C16orf78: variants seen among roughly 807,000 people sequenced by gnomAD.
The protein encoded by C16orf78 is uncharacterized protein C16orf78.
C16orf78 carries 19 observed loss-of-function variants against 27.3 expected under a neutral mutation model. The observed-to-expected ratio is 0.70, with a 90% confidence interval of 0.49 to 1.02. C16orf78 has a LOEUF of 1.02. C16orf78 is among the 50% of genes least tolerant of loss of function. The pLI, the probability that C16orf78 is intolerant of heterozygous loss-of-function variation, is 0.00. For synonymous variants in C16orf78, 130 were observed against 116.1 expected (o/e 1.12, Z -0.77); for missense variants, 339 against 337.0 (o/e 1.01, Z -0.05).
chr16:49,379,820 G>C (rs1206105077), intron 3 of C16orf78, among the ~76,000 whole-genome samples: 6 of 152,198 alleles, frequency 3.9e-5, no homozygotes, highest in African/African-American at 1.4e-4. Context: ...AATATTGAGT[G>C]TCAACTTGAT....
chr16:49,383,902 C>T (rs74390974), intron 3 of C16orf78, among the ~76,000 whole-genome samples: 1,602 of 152,272 alleles, frequency 0.011, 29 homozygotes, highest in African/African-American at 0.036. Flanking sequence ...ACTGATTCTA[C>T]AGCAATGCAG....
chr16:49,396,343 A>G (rs1248304254), intron 3 of C16orf78, 80 bp from the exon 4 acceptor site: 14 of 1,499,468 alleles, frequency 9.3e-6, no homozygotes, highest in Non-Finnish European at 1.3e-5. Flanking sequence ...GCATTCCTCC[A>G]GCCTTCATCC....
At chr16:49,375,948 T>G (rs966128959) in intron 1 of C16orf78, among the ~76,000 whole-genome samples, 4 of 152,198 alleles carry the variant, frequency 2.6e-5, no homozygotes, top group Non-Finnish European at 2.9e-5. Flanking sequence ...AACTTTACCT[T>G]AAATGTGGCT....
At chr16:49,394,321 G>T (rs1466444804) in intron 3 of C16orf78, among the ~76,000 whole-genome samples, 1 of 152,064 alleles carries the variant, frequency 6.6e-6, no homozygotes, top group Non-Finnish European at 1.5e-5. Context: ...CTCAATGTAT[G>T]AAAATACATC....
intron 1 of C16orf78, among the ~76,000 whole-genome samples, chr16:49,374,801 G>T (rs540914449): frequency 3.2e-4 from 48 of 152,114 alleles, no homozygotes; most frequent in Non-Finnish European, 5.1e-4. Flanking sequence ...TCCAAGAAAT[G>T]TAGCAACCAA....
intron 3 of C16orf78, among the ~76,000 whole-genome samples, chr16:49,392,614 T>C (rs190755471): frequency 2.8e-4 from 42 of 152,256 alleles, no homozygotes; most frequent in Non-Finnish European, 5.0e-4. Context: ...AGTAGGTAAA[T>C]AGTAGGTAAA....
At chr16:49,398,134 G>C (rs547033942) in intron 4 of C16orf78, among the ~76,000 whole-genome samples, 4 of 152,316 alleles carry the variant, frequency 2.6e-5, no homozygotes, top group South Asian at 2.1e-4. Flanking sequence ...CAGGGAAAAA[G>C]TAGTCCAAGT....
intron 3 of C16orf78, among the ~76,000 whole-genome samples, chr16:49,382,304 A>C (rs567734977): frequency 6.6e-6 from 1 of 152,138 alleles, no homozygotes; most frequent in Non-Finnish European, 1.5e-5. Flanking sequence ...TAGGAGATAT[A>C]CCTAATGCTA....
chr16:49,397,348 G>A (rs1819869), intron 4 of C16orf78, among the ~76,000 whole-genome samples: 18,813 of 152,288 alleles, frequency 0.12, 1,549 homozygotes, highest in Middle Eastern at 0.21. Context: ...AAACAACAGA[G>A]TAATGTAGTT....
chr16:49,390,605 C>T (rs1248717945), intron 3 of C16orf78, among the ~76,000 whole-genome samples: 7 of 152,108 alleles, frequency 4.6e-5, no homozygotes, highest in African/African-American at 1.7e-4. Context: ...TTAATGTGAC[C>T]CTGCCTTGGA....
intron 3 of C16orf78, among the ~76,000 whole-genome samples, chr16:49,395,389 C>G (rs956070715): frequency 6.6e-6 from 1 of 152,078 alleles, no homozygotes; most frequent in Non-Finnish European, 1.5e-5. Context: ...CACATGGGAC[C>G]CAGGACGGAT....
Position 49,399,186 on chromosome 16 carries a change from G to A in C16orf78, c.706G>A (p.Ala236Thr), listed in dbSNP as rs758951763. The A allele has an allele frequency of 3.1e-6, 5 of 1,614,212 alleles. No individual in the cohort carries two copies. The highest frequency in any genetic ancestry group is 4.2e-6 in the Non-Finnish European group (5 of 1,180,024). ...GACCTTGCTCAAGTTGTGCAAGGAT[G>A]CAGGAATGAATGTGGATATCCACCC... ...IRTLLKLCKD[A>T]GMNVDIHPHM... The change falls in exon 5 of 5, where the codon GCA becomes ACA. Residue 236 changes from alanine (A) to threonine (T), a missense_variant. Physicochemically the swap from Ala to Thr is moderately conservative, Grantham distance 58 (BLOSUM62 0). Transcript: ENST00000299191.
intron 3 of C16orf78, among the ~76,000 whole-genome samples, chr16:49,386,360 C>T (rs1567392568): frequency 6.6e-6 from 1 of 152,192 alleles, no homozygotes; most frequent in Admixed American, 6.5e-5. Flanking sequence ...ATGGACCTAA[C>T]ATATGTTTAC....
Position 49,396,094 on chromosome 16 carries a change from T to G in C16orf78, c.395-329T>G, listed in dbSNP as rs553310079. On this transcript the variant is annotated intron_variant, in intron 3 of 4. Coordinates refer to ENST00000299191, the MANE Select transcript of C16orf78 (RefSeq NM_144602.4). ...CCTAGCTCCACAAAAATATAAAAAT[T>G]TATCAGGAGTGGAGGCATGTGCCTA... Among the ~76,000 whole-genome samples the G allele has an allele frequency of 2.6e-5, 4 of 151,950 alleles. No homozygotes were observed. The East Asian group carries it at 5.8e-4, about 22-fold the overall frequency.
At chr16:49,378,634 C>G in intron 3 of C16orf78, 41 bp downstream of exon 3, 2 of 1,611,206 alleles carry the variant, frequency 1.2e-6, no homozygotes, top group Non-Finnish European at 1.7e-6. Context: ...GAATCCTGCT[C>G]CATAATCTCC....
chr16:49,378,543 A>T lies in C16orf78; in HGVS notation c.344A>T (p.His115Leu), dbSNP rs138952034. 6.2e-7 allele frequency: 1 copy of T among 1,613,502 alleles called. No individual in the cohort carries two copies. The highest frequency in any genetic ancestry group is 2.2e-5 in the East Asian group (1 of 44,846). The change falls in exon 3 of 5, where the codon CAC becomes CTC. Residue 115 changes from histidine to leucine, a missense_variant. Coordinates refer to ENST00000299191, the MANE Select transcript of C16orf78 (RefSeq NM_144602.4). ...TATGGAGTGGAGCAAAAGGGGAAACACCTCAGCATGGTCCCTGGCAGCTAC... is the reference window on the plus strand; with the variant it reads ...TATGGAGTGGAGCAAAAGGGGAAACTCCTCAGCATGGTCCCTGGCAGCTAC... ...SLYGVEQKGK[H>L]LSMVPGSYIK...
chr16:49,387,228 G>A (rs534917005), intron 3 of C16orf78, among the ~76,000 whole-genome samples: 1 of 151,976 alleles, frequency 6.6e-6, no homozygotes, highest in South Asian at 2.1e-4. Flanking sequence ...CCATATGCTT[G>A]TTGGCTGCAT....
chr16:49,387,793 G>C (rs1002694784), intron 3 of C16orf78, among the ~76,000 whole-genome samples: 8 of 152,070 alleles, frequency 5.3e-5, no homozygotes, highest in Non-Finnish European at 1.2e-4. Context: ...GTCTTGAGAG[G>C]GTGTATGTGT....
At chr16:49,394,869 T>C (rs1210162597) in intron 3 of C16orf78, among the ~76,000 whole-genome samples, 1 of 152,046 alleles carries the variant, frequency 6.6e-6, no homozygotes, top group South Asian at 2.1e-4. Flanking sequence ...TGTTTGCTTG[T>C]TTGTTTGTTT....
Sources: allele counts gnomAD v4.1 joint callset (sites outside exome capture counted in the v4.1 genomes callset), GRCh38; gene constraint gnomAD v4.1.1; transcripts MANE v1.5; gene names NCBI Gene and HGNC (gene_info 2026-07-23, HGNC 2026-07-21).